PCCA: variants seen among roughly 807,000 people sequenced by gnomAD.
The protein encoded by PCCA is propionyl-CoA carboxylase subunit alpha.
In PCCA, 74 loss-of-function variants were observed where a neutral mutation model predicts 101.3. That is an observed-to-expected ratio of 0.73 (90% CI 0.61 to 0.89). PCCA has a LOEUF of 0.89. Among genes scored for constraint, PCCA ranks in the 40% least tolerant of loss-of-function variants. The probability of loss-of-function intolerance (pLI) is 0.00; values close to 1 mark genes in which losing one functional copy is unlikely to be tolerated. For missense variants in PCCA, 891 were observed against 907.0 expected (o/e 0.98, Z 0.23); for synonymous variants, 294 against 313.6 (o/e 0.94, Z 0.66).
At chr13:100,445,921 A>T (rs887934776) in intron 20 of PCCA, among the ~76,000 whole-genome samples, 1 of 152,102 alleles carries the variant, frequency 6.6e-6, no homozygotes, top group Non-Finnish European at 1.5e-5. Flanking sequence ...TTTCCTTTGG[A>T]TATATATGCA....
intron 21 of PCCA, among the ~76,000 whole-genome samples, chr13:100,478,460 C>G (rs1048212276): frequency 6.6e-6 from 1 of 152,220 alleles, no homozygotes; most frequent in African/African-American, 2.4e-5. Flanking sequence ...GGAGGCCCCA[C>G]CCCTTCCCTG....
At chr13:100,181,863 C>G (rs1204019291) in intron 6 of PCCA, among the ~76,000 whole-genome samples, 4 of 146,130 alleles carry the variant, frequency 2.7e-5, no homozygotes, top group African/African-American at 1.0e-4. Context: ...CCTCTGTGTT[C>G]AAGCGATTCT....
intron 12 of PCCA, among the ~76,000 whole-genome samples, chr13:100,297,877 G>A (rs1339576434): frequency 6.6e-6 from 1 of 151,918 alleles, no homozygotes; most frequent in Non-Finnish European, 1.5e-5. Flanking sequence ...ATCAACAACT[G>A]TTAGACTCTG....
chr13:100,368,189 TA>T (rs2075334885), intron 18 of PCCA, among the ~76,000 whole-genome samples: 1 of 152,126 alleles, frequency 6.6e-6, no homozygotes, highest in South Asian at 2.1e-4. Context: ...ATGGCATACT[TA>T]CTTATTTCAT....
chr13:100,251,246 C>T (rs1380704303), intron 8 of PCCA, among the ~76,000 whole-genome samples: 1 of 152,084 alleles, frequency 6.6e-6, no homozygotes, highest in Non-Finnish European at 1.5e-5. Context: ...ACACATAGAT[C>T]CAGGAAGCTC....
At chr13:100,193,810 T>G (rs756331006) in intron 6 of PCCA, among the ~76,000 whole-genome samples, 5 of 152,138 alleles carry the variant, frequency 3.3e-5, no homozygotes, top group Non-Finnish European at 7.4e-5. Flanking sequence ...CCGGGTGCGG[T>G]GGCTCATGCC....
chr13:100,226,468 G>A (rs1032318299), intron 7 of PCCA, among the ~76,000 whole-genome samples: 3 of 152,134 alleles, frequency 2.0e-5, no homozygotes, highest in South Asian at 4.1e-4. Context: ...GGTGGTCGGC[G>A]TTGACACTAA....
chr13:100,367,633 AG>A (rs2075279262), intron 18 of PCCA, among the ~76,000 whole-genome samples: 1 of 148,714 alleles, frequency 6.7e-6, no homozygotes, highest in African/African-American at 2.5e-5. Context: ...AAATAAGTAT[AG>A]TTTTTTTTTT....
chr13:100,371,987 A>G (rs1171192312), intron 19 of PCCA, among the ~76,000 whole-genome samples: 1 of 152,214 alleles, frequency 6.6e-6, no homozygotes, highest in African/African-American at 2.4e-5. Flanking sequence ...TCTGTATACA[A>G]AACTAACCAA....
At chr13:100,214,557 T>C (rs987929959) in intron 7 of PCCA, among the ~76,000 whole-genome samples, 5 of 151,946 alleles carry the variant, frequency 3.3e-5, no homozygotes, top group African/African-American at 9.7e-5. Flanking sequence ...CCCTGGTATC[T>C]GGGACTATAG....
intron 20 of PCCA, among the ~76,000 whole-genome samples, chr13:100,429,129 C>T (rs552474268): frequency 2.0e-5 from 3 of 152,030 alleles, no homozygotes; most frequent in South Asian, 4.2e-4. Context: ...GATCTGCAAG[C>T]GTGACAGGAG....
At chr13:100,173,798 G>C (rs1053427079) in intron 6 of PCCA, among the ~76,000 whole-genome samples, 1 of 152,158 alleles carries the variant, frequency 6.6e-6, no homozygotes, top group Non-Finnish European at 1.5e-5. Context: ...TGAATCATGG[G>C]GGGCAGGTTT....
chr13:100,496,423 C>A (rs1277270318), intron 21 of PCCA, among the ~76,000 whole-genome samples: 1 of 152,084 alleles, frequency 6.6e-6, no homozygotes, highest in African/African-American at 2.4e-5. Flanking sequence ...TTTATTTTGT[C>A]AAATGGCTCT....
At chr13:100,320,913 C>G (rs993395987) in intron 16 of PCCA, among the ~76,000 whole-genome samples, 3 of 152,038 alleles carry the variant, frequency 2.0e-5, no homozygotes, top group Admixed American at 2.0e-4. Flanking sequence ...CCCTACGCGG[C>G]TAATTTTTAA....
At chr13:100,265,679 C>T (rs1029173418) in intron 10 of PCCA, among the ~76,000 whole-genome samples, 4 of 152,104 alleles carry the variant, frequency 2.6e-5, no homozygotes, top group African/African-American at 9.7e-5. Context: ...GGAGAATTGA[C>T]ATCTTAACAA....
At chr13:100,232,068 A>ATTGTCAT (rs765684642) in intron 7 of PCCA, among the ~76,000 whole-genome samples, 3 of 152,112 alleles carry the variant, frequency 2.0e-5, no homozygotes, top group Non-Finnish European at 4.4e-5. Flanking sequence ...TTAAAGCTTA[A>ATTGTCAT]TTGTCATTTG....
rs532155085 is a variant in PCCA, at chr13:100,480,558, A to C, written c.1899+31253A>C. On this transcript the variant is annotated intron_variant, in intron 21 of 23. Coordinates refer to ENST00000376285, the MANE Select transcript of PCCA (RefSeq NM_000282.4). ...GAGGTTGGCTAAGGCAGACACAGGG[A>C]TGGCTAAGAGGGATAAAGGACGTGA... is the stretch of plus-strand genomic sequence containing the variant. Among the ~76,000 whole-genome samples the C allele has an allele frequency of 7.9e-5, 12 of 152,322 alleles. 1 individual carries two copies. In the South Asian group the frequency reaches 2.5e-3, roughly 32 times the overall value.
At chr13:100,262,231 A>G (rs2062568574) in intron 9 of PCCA, among the ~76,000 whole-genome samples, 3 of 152,074 alleles carry the variant, frequency 2.0e-5, no homozygotes, top group Non-Finnish European at 2.9e-5. Context: ...TGTCTCTACC[A>G]AAAATATAAA....
rs1297695887 is a variant in PCCA, at chr13:100,428,325, C to G, written c.1845+2594C>G. ...TCAAGCAACCCTGCCTCCTCCCCGA[C>G]CCCCCCTACCCCCCACCCCCACCCC... On this transcript the variant is annotated intron_variant, in intron 20 of 23. Transcript: ENST00000376285. Among the ~76,000 whole-genome samples, 3 of 94,270 alleles carry G rather than the reference C, an allele frequency of 3.2e-5. 1 individual carries two copies. The highest frequency in any genetic ancestry group is 1.8e-4 in the African/African-American group (3 of 16,570). The allele number at this position is 94,270 out of a possible 152,430, so 61.8% of individuals were successfully genotyped here.
Sources: gnomAD v4.1 joint callset for allele counts (sites outside exome capture counted in the v4.1 genomes callset) on GRCh38, gnomAD v4.1.1 for gene constraint, MANE v1.5 for transcripts, NCBI Gene and HGNC (gene_info 2026-07-23, HGNC 2026-07-21) for gene names.